DPP10: variants seen among roughly 807,000 people sequenced by gnomAD.
The protein encoded by DPP10 is dipeptidyl peptidase like 10, also known as inactive dipeptidyl peptidase 10.
In DPP10, 33 loss-of-function variants were observed where a neutral mutation model predicts 120.9. The observed-to-expected ratio is 0.27, with a 90% CI of 0.21 to 0.37. DPP10 has a LOEUF of 0.37. DPP10 is among the 10% of genes least tolerant of loss of function. The pLI, the probability that DPP10 is intolerant of heterozygous loss-of-function variation, is 1.00. For missense variants in DPP10, 816 were observed against 942.8 expected, an observed-to-expected ratio of 0.87 and a Z score of 1.76; for synonymous variants, 337 against 326.1, an observed-to-expected ratio of 1.03 and a Z score of -0.36.
chr2:114,518,228 C>G (rs370058891), intron 1 of DPP10, among the ~76,000 whole-genome samples: 1 of 151,958 alleles, frequency 6.6e-6, no homozygotes, highest in African/African-American at 2.4e-5. Flanking sequence ...TAGGTACCCA[C>G]CACCACGCCT....
chr2:115,805,697 C>A (rs1180146049), intron 19 of DPP10, among the ~76,000 whole-genome samples: 1 of 151,726 alleles, frequency 6.6e-6, no homozygotes, highest in Non-Finnish European at 1.5e-5. Context: ...GCTTCAGCCT[C>A]CCGAGTAGCT....
intron 1 of DPP10, among the ~76,000 whole-genome samples, chr2:114,699,133 T>C (rs1316174325): frequency 2.0e-5 from 3 of 152,078 alleles, no homozygotes; most frequent in Admixed American, 2.0e-4. Context: ...AACCATTAAA[T>C]GGTGATAATC....
chr2:115,566,746 A>T lies in DPP10; in HGVS notation c.441+40774A>T, dbSNP rs532411071. 3.3e-5 allele frequency among the ~76,000 whole-genome samples: 5 copies of T among 152,322 alleles called. 1 individual carries two copies. The South Asian group carries it at 1.0e-3, about 32-fold the overall frequency. ...AAGGCATCAGGAGCTGGTCTTAGGT[A>T]TGCTCATTGCTACTGTAATGACGTG... On this transcript the variant is annotated intron_variant, in intron 5 of 25. Coordinates refer to ENST00000410059, the MANE Select transcript of DPP10 (RefSeq NM_020868.6).
chr2:115,319,509 G>A (rs1446256920), intron 2 of DPP10, among the ~76,000 whole-genome samples: 1 of 152,076 alleles, frequency 6.6e-6, no homozygotes, highest in East Asian at 1.9e-4. Context: ...GAAGTCATCT[G>A]GTTCTAGCCT....
At chr2:114,667,530 G>A (rs1319376303) in intron 1 of DPP10, among the ~76,000 whole-genome samples, 2 of 152,082 alleles carry the variant, frequency 1.3e-5, no homozygotes, top group East Asian at 3.9e-4. Flanking sequence ...CTCTACAAAG[G>A]AAGAACAAAA....
In DPP10 at chr2:115,414,973, A is replaced by G. The variant is rs774461768; in HGVS notation, c.271+71061A>G. Among the ~76,000 whole-genome samples, 45 of 152,294 alleles carry G rather than the reference A, an allele frequency of 3.0e-4. 1 individual carries two copies. The highest frequency in any genetic ancestry group is 2.6e-4 in the Non-Finnish European group (18 of 68,018). On this transcript the variant is annotated intron_variant, in intron 3 of 25. Coordinates refer to ENST00000410059, the MANE Select transcript of DPP10 (RefSeq NM_020868.6). ...TGTTAAGATGCAGAGAGATCTCTCT[A>G]AAGTGCTATTGCCGAGATTAAATTT... is the stretch of plus-strand genomic sequence containing the variant.
At chr2:115,646,098 G>T (rs115405094) in intron 5 of DPP10, among the ~76,000 whole-genome samples, 1 of 150,528 alleles carries the variant, frequency 6.6e-6, no homozygotes, top group Admixed American at 6.6e-5. Flanking sequence ...ACACATGCAC[G>T]TGCGTGCGCG....
intron 5 of DPP10, among the ~76,000 whole-genome samples, chr2:115,556,666 A>C (rs1437920656): frequency 1.3e-5 from 2 of 152,136 alleles, no homozygotes; most frequent in Non-Finnish European, 2.9e-5. Flanking sequence ...ACACACTCTC[A>C]TACTGTCTTA....
intron 1 of DPP10, among the ~76,000 whole-genome samples, chr2:115,032,702 G>A (rs1019415012): frequency 4.0e-5 from 6 of 151,414 alleles, no homozygotes; most frequent in East Asian, 2.0e-4. Flanking sequence ...CCAACATGGC[G>A]AAACCCGGTA....
At chr2:115,401,915 C>T (rs984542196) in intron 3 of DPP10, among the ~76,000 whole-genome samples, 2 of 151,580 alleles carry the variant, frequency 1.3e-5, no homozygotes, top group Non-Finnish European at 2.9e-5. Flanking sequence ...AAATTCAAAA[C>T]ATCTACTATA....
chr2:115,538,851 G>A (rs1299848759), intron 5 of DPP10, among the ~76,000 whole-genome samples: 2 of 151,830 alleles, frequency 1.3e-5, no homozygotes, highest in African/African-American at 4.8e-5. Flanking sequence ...GGTAAAAATT[G>A]TACTTCCCAG....
chr2:114,447,033 A>AAT (rs1263105865), intron 1 of DPP10, among the ~76,000 whole-genome samples: 1 of 100,912 alleles, frequency 9.9e-6, no homozygotes, highest in Non-Finnish European at 2.1e-5. Flanking sequence ...CTGGTTGTTA[A>AAT]ATTTTTTTTT....
intron 3 of DPP10, among the ~76,000 whole-genome samples, chr2:115,427,435 G>T (rs1359717357): frequency 6.6e-6 from 1 of 152,190 alleles, no homozygotes; most frequent in Non-Finnish European, 1.5e-5. Flanking sequence ...CTCTCGCAGG[G>T]TGCATGCCTA....
chr2:115,187,532 T>A (rs181609083), intron 1 of DPP10, among the ~76,000 whole-genome samples: 3 of 151,726 alleles, frequency 2.0e-5, no homozygotes, highest in African/African-American at 7.3e-5. Context: ...GTGGATGGAG[T>A]TTTTTAGGCT....
At chr2:115,623,725 G>C (rs2085148857) in intron 5 of DPP10, among the ~76,000 whole-genome samples, 1 of 152,160 alleles carries the variant, frequency 6.6e-6, no homozygotes, top group South Asian at 2.1e-4. Flanking sequence ...TAGTTCTGAG[G>C]AGGAGACTCT....
intron 1 of DPP10, among the ~76,000 whole-genome samples, chr2:115,103,649 C>T (rs1162727139): frequency 1.3e-5 from 2 of 152,056 alleles, no homozygotes; most frequent in Non-Finnish European, 1.5e-5. Flanking sequence ...ATGGAGAAAG[C>T]CTAAAACTAG....
intron 4 of DPP10, among the ~76,000 whole-genome samples, chr2:115,506,773 T>C (rs2076965960): frequency 6.6e-6 from 1 of 152,136 alleles, no homozygotes; most frequent in Non-Finnish European, 1.5e-5. Flanking sequence ...TCAACCAGTC[T>C]ATCCATTTTA....
At chr2:115,112,872 G>A (rs970602778) in intron 1 of DPP10, among the ~76,000 whole-genome samples, 1 of 152,088 alleles carries the variant, frequency 6.6e-6, no homozygotes, top group Non-Finnish European at 1.5e-5. Context: ...TCTTAAGTCT[G>A]TGCTGTAGAT....
intron 1 of DPP10, among the ~76,000 whole-genome samples, chr2:114,509,686 C>T (rs1683973851): frequency 6.6e-6 from 1 of 152,164 alleles, no homozygotes; most frequent in Non-Finnish European, 1.5e-5. Context: ...CTATGGACTC[C>T]ACTTTCTCTG....
Sources: allele counts gnomAD v4.1 joint callset (sites outside exome capture counted in the v4.1 genomes callset), GRCh38; gene constraint gnomAD v4.1.1; transcripts MANE v1.5; gene names NCBI Gene and HGNC (gene_info 2026-07-23, HGNC 2026-07-21).